The following CHST11 variants were observed in gnomAD, a reference collection of about 807,000 sequenced individuals.
The protein encoded by CHST11 is carbohydrate sulfotransferase 11.
Under a neutral mutation model 30.4 loss-of-function variants are expected in CHST11, and 9 were observed. The observed-to-expected ratio is 0.30, with a 90% confidence interval of 0.18 to 0.52. The LOEUF (loss-of-function observed/expected upper bound fraction) is 0.52. CHST11 is among the 20% of genes least tolerant of loss of function. The pLI is 0.97. For synonymous variants in CHST11, 152 were observed against 187.8 expected, an observed-to-expected ratio of 0.81 and a Z score of 1.56; for missense variants, 348 against 460.6, an observed-to-expected ratio of 0.76 and a Z score of 2.24.
At chr12:104,732,494 A>G (rs2040265680) in intron 2 of CHST11, among the ~76,000 whole-genome samples, 1 of 152,256 alleles carries the variant, frequency 6.6e-6, no homozygotes, top group Non-Finnish European at 1.5e-5. Context: ...TCATCACATT[A>G]GAAATAGACC....
intron 1 of CHST11, among the ~76,000 whole-genome samples, chr12:104,465,816 T>C (rs530150795): frequency 1.3e-5 from 2 of 152,298 alleles, no homozygotes; most frequent in Admixed American, 1.3e-4. Flanking sequence ...TCTGTTCTGC[T>C]GTGTTTCAGG....
intron 1 of CHST11, among the ~76,000 whole-genome samples, chr12:104,481,067 C>A (rs909428380): frequency 6.6e-6 from 1 of 152,168 alleles, no homozygotes; most frequent in Non-Finnish European, 1.5e-5. Context: ...CTCTCTGTGC[C>A]GTACTTTCCA....
chr12:104,607,477 A>G (rs2039016982), intron 2 of CHST11, among the ~76,000 whole-genome samples: 1 of 152,156 alleles, frequency 6.6e-6, no homozygotes, highest in African/African-American at 2.4e-5. Flanking sequence ...ATATAATAGA[A>G]GCTTTTTGCA....
chr12:104,649,768 G>A (rs2039473906), intron 2 of CHST11, among the ~76,000 whole-genome samples: 1 of 152,244 alleles, frequency 6.6e-6, no homozygotes, highest in Admixed American at 6.5e-5. Context: ...TGCATACAAA[G>A]TAGGCAAGAA....
At chr12:104,621,961 G>A (rs2039163754) in intron 2 of CHST11, among the ~76,000 whole-genome samples, 1 of 152,238 alleles carries the variant, frequency 6.6e-6, no homozygotes, top group East Asian at 1.9e-4. Flanking sequence ...ATGGGATGCT[G>A]ATGGTTGTGG....
chr12:104,518,399 C>T (rs750175072), intron 1 of CHST11, among the ~76,000 whole-genome samples: 55 of 152,122 alleles, frequency 3.6e-4, no homozygotes, highest in Non-Finnish European at 7.1e-4. Context: ...TGCTGTATTT[C>T]CTTCACTAAT....
In CHST11 at chr12:104,552,520, G is replaced by A. The variant is rs187860037; in HGVS notation, c.119-49386G>A. On this transcript the variant is annotated intron_variant, in intron 1 of 2. Coordinates refer to ENST00000303694, the MANE Select transcript of CHST11 (RefSeq NM_018413.6). ...GAGGTCTCACTATATTGCCCAGGCT[G>A]GTCTCAAACTCCTGGGCTCAAGTGA... 9.4e-4 allele frequency: 143 copies of A among 152,104 alleles called. 1 individual carries two copies. The highest frequency in any genetic ancestry group is 3.4e-3 in the African/African-American group (140 of 41,390). 9.4% of individuals were successfully genotyped at this position (152,104 alleles called of 1,614,324 possible).
At chr12:104,666,908 T>C (rs2039647586) in intron 2 of CHST11, among the ~76,000 whole-genome samples, 1 of 151,826 alleles carries the variant, frequency 6.6e-6, no homozygotes, top group Non-Finnish European at 1.5e-5. Flanking sequence ...CCCCCAAAAC[T>C]ATGCCCAGGG....
chr12:104,501,186 A>G (rs1192774116), intron 1 of CHST11, among the ~76,000 whole-genome samples: 1 of 152,182 alleles, frequency 6.6e-6, no homozygotes, highest in Middle Eastern at 3.2e-3. Flanking sequence ...CGGAGTAGAA[A>G]GATGCTCAAG....
chr12:104,691,208 G>T (rs922456680), intron 2 of CHST11, among the ~76,000 whole-genome samples: 1 of 152,154 alleles, frequency 6.6e-6, no homozygotes, highest in African/African-American at 2.4e-5. Context: ...GGGAAGGGTT[G>T]GTTGGTTCAG....
intron 1 of CHST11, among the ~76,000 whole-genome samples, chr12:104,468,696 G>A (rs901853457): frequency 5.9e-5 from 9 of 152,232 alleles, no homozygotes; most frequent in Non-Finnish European, 7.3e-5. Flanking sequence ...AGCATCTGGC[G>A]TAGTACTTGG....
At chr12:104,722,206 G>T (rs772583170) in intron 2 of CHST11, among the ~76,000 whole-genome samples, 1 of 142,682 alleles carries the variant, frequency 7.0e-6, no homozygotes, top group Non-Finnish European at 1.5e-5. Flanking sequence ...TTTTACCATT[G>T]TTGCCTGGGC....
intron 2 of CHST11, among the ~76,000 whole-genome samples, chr12:104,655,233 C>T (rs1429789436): frequency 6.6e-6 from 1 of 152,254 alleles, no homozygotes; most frequent in African/African-American, 2.4e-5. Flanking sequence ...GAGCCTAGAG[C>T]GGGCTTCCAG....
intron 1 of CHST11, chr12:104,514,483 A>G (rs1026945081): frequency 2.8e-6 from 2 of 708,698 alleles, no homozygotes; most frequent in Middle Eastern, 3.9e-4. Context: ...CTACGACTCC[A>G]TACCATTACT....
At chr12:104,747,235 G>C (rs2040395170) in intron 2 of CHST11, among the ~76,000 whole-genome samples, 1 of 152,236 alleles carries the variant, frequency 6.6e-6, no homozygotes, top group Non-Finnish European at 1.5e-5. Flanking sequence ...TGGGTCTCCA[G>C]ACCCCAGGAG....
At position 104,755,597 on chromosome 12, in the gene CHST11, C is replaced by T. The variant is rs138255170; in HGVS notation, c.205-1352C>T. Among the ~76,000 whole-genome samples, 374 of 152,162 alleles carry T rather than the reference C, an allele frequency of 2.5e-3. 3 individuals are homozygous for T. Among genetic ancestry groups the T allele is most frequent in the African/African-American group, 8.1e-3 (337 of 41,474 alleles). ...GGTCAGGAGTTTGAGACCAGCCTGA[C>T]CAACGTAGTGAAACCCCGTCTCTAC... On this transcript the variant is annotated intron_variant, in intron 2 of 2. Coordinates refer to ENST00000303694, the MANE Select transcript of CHST11 (RefSeq NM_018413.6).
chr12:104,512,797 A>G (rs1592739015), intron 1 of CHST11, among the ~76,000 whole-genome samples: 1 of 152,142 alleles, frequency 6.6e-6, no homozygotes, highest in Non-Finnish European at 1.5e-5. Context: ...AATACTACCA[A>G]TGTGATGGAC....
intron 2 of CHST11, among the ~76,000 whole-genome samples, chr12:104,720,954 G>A (rs1165348872): frequency 2.0e-5 from 3 of 152,144 alleles, no homozygotes; most frequent in East Asian, 1.9e-4. Context: ...TAGGAAGGGC[G>A]GAGAAACCAT....
chr12:104,742,638 C>G (rs1313206204), intron 2 of CHST11, among the ~76,000 whole-genome samples: 1 of 152,206 alleles, frequency 6.6e-6, no homozygotes, highest in Non-Finnish European at 1.5e-5. Flanking sequence ...GGCACCCTGC[C>G]CAGGCCTCCG....
Sources: allele counts gnomAD v4.1 joint callset (sites outside exome capture counted in the v4.1 genomes callset), GRCh38; gene constraint gnomAD v4.1.1; transcripts MANE v1.5; gene names NCBI Gene and HGNC (gene_info 2026-07-23, HGNC 2026-07-21).